The following ZFC3H1 variants were observed in gnomAD, a reference collection of about 807,000 sequenced individuals.
ZFC3H1 encodes the protein zinc finger C3H1 domain-containing protein.
In ZFC3H1, 71 loss-of-function variants were observed where a neutral mutation model predicts 243.7. The observed-to-expected ratio is 0.29, with a 90% confidence interval of 0.24 to 0.36. The LOEUF is 0.36. ZFC3H1 is among the 10% of genes least tolerant of loss of function. ZFC3H1 has a pLI of 1.00. For missense variants in ZFC3H1, 1,966 were observed against 2,317.1 expected (o/e 0.85, Z 3.11); for synonymous variants, 838 against 813.0 (o/e 1.03, Z -0.52).
In ZFC3H1 at chr12:71,628,093, T is replaced by C. The variant is rs1242289273; in HGVS notation, c.3947-159A>G. Among the ~76,000 whole-genome samples, 6 of 152,240 alleles carry C rather than the reference T, an allele frequency of 3.9e-5. No homozygotes were observed. In the East Asian group the frequency reaches 5.8e-4, roughly 15 times the overall value. On this transcript the variant is annotated intron_variant, in intron 20 of 34. Transcript: ENST00000378743. ...TTTAAGGTAGAGCTATGACATAATT[T>C]ATCACCCAAACCAGGACCCTTCTGA...
rs374199139 is a variant in ZFC3H1 at position 71,629,685 on chromosome 12, T to G, written c.3750A>C (p.Gly1250=). The G allele has an allele frequency of 2.3e-4, 373 of 1,612,846 alleles. No individual in the cohort carries two copies. Among genetic ancestry groups the G allele is most frequent in the Non-Finnish European group, 3.1e-4 (363 of 1,179,532 alleles). ...SAEKYVEKLF[G]VNKDRMSMDQ... ...CCATTGACATTCGATCTTTGTTTAC[T>G]CCAAAAAGTTTCTCAACATATTTTT... The change falls in exon 19 of 35, where the codon GGA becomes GGC. Residue 1250 remains glycine, a synonymous_variant. Transcript: ENST00000378743.
intron 7 of ZFC3H1, 64 bp downstream of exon 7, chr12:71,638,354 T>C: frequency 6.6e-7 from 1 of 1,516,620 alleles, no homozygotes. Context: ...TAACCATTCG[T>C]TTTTAAAAAC....
intron 5 of ZFC3H1, 41 bp downstream of exon 5, chr12:71,644,054 C>T: frequency 6.5e-7 from 1 of 1,537,364 alleles, no homozygotes; most frequent in African/African-American, 1.4e-5. Context: ...TTTAAGGAAA[C>T]TTAGAGTAAC....
intron 11 of ZFC3H1, 109 bp from the exon 12 acceptor site, chr12:71,634,413 A>T: frequency 7.9e-7 from 1 of 1,273,470 alleles, no homozygotes; most frequent in Non-Finnish European, 1.1e-6. Flanking sequence ...CCGACTAATA[A>T]TAAAGATGAT....
rs760034598 is a variant in ZFC3H1, at chr12:71,626,241, CGTTATCTTTTCT to C, written c.4317+7_4317+18del. 1 of 1,594,282 alleles carries C rather than the reference CGTTATCTTTTCT, an allele frequency of 6.3e-7. No homozygotes were observed. Among genetic ancestry groups the C allele is most frequent in the African/African-American group, 1.3e-5 (1 of 74,226 alleles). On this transcript the variant is annotated splice_region_variant and intron_variant, in intron 22 of 34. Coordinates refer to ENST00000378743, the MANE Select transcript of ZFC3H1 (RefSeq NM_144982.5). ...ACACACACACACACACACACACGTA[CGTTATCTTTTCT>C]ACTCACAGTCCAAAAGCTTTGATAA...
At chr12:71,612,576 TA>T (rs1879798778) in intron 31 of ZFC3H1, among the ~76,000 whole-genome samples, 1 of 152,198 alleles carries the variant, frequency 6.6e-6, no homozygotes, top group Non-Finnish European at 1.5e-5. Context: ...CTTTAGTTTT[TA>T]AACTTTTATA....
In ZFC3H1 at chr12:71,634,910, C is replaced by T. The variant is rs1205201386; in HGVS notation, c.2239-85G>A. 2.1e-6 allele frequency: 3 copies of T among 1,412,398 alleles called. No homozygotes were observed. In the Admixed American group the frequency reaches 7.7e-5, roughly 36 times the overall value. 87.5% of individuals were successfully genotyped at this position (1,412,398 alleles called of 1,614,324 possible). A position where few individuals can be genotyped will look rare whatever the true frequency, so the allele number is the denominator to read the frequency against. On this transcript the variant is annotated intron_variant, in intron 10 of 34. Coordinates refer to ENST00000378743, the MANE Select transcript of ZFC3H1 (RefSeq NM_144982.5). ...AAGATTTATATTTTACATTGCAACC[C>T]AGTGTATACTGAATTTATTTAGAAA...
Position 71,663,417 on chromosome 12 carries a change from C to G in ZFC3H1, c.194G>C (p.Gly65Ala). The G allele has an allele frequency of 6.2e-7, 1 of 1,611,978 alleles. No individual in the cohort carries two copies. Among genetic ancestry groups the G allele is most frequent in the South Asian group, 1.1e-5 (1 of 91,088 alleles). Reference protein sequence around the residue: ...RRPPHSARGGGSGGGGGSSSS... With the variant: ...RRPPHSARGGASGGGGGSSSS... ...GGAAGAGCCACCGCCTCCGCCAGAT[C>G]CACCGCCCCGGGCCGAGTGAGGAGG... Residue 65 changes from glycine (G) to alanine (A), a missense_variant, in exon 1 of 35, where the codon GGA becomes GCA. Around this residue, in one of 4 missense-constraint regions of ZFC3H1, gnomAD observed 484 missense variants for 449.7 expected, o/e 1.08. Transcript: ENST00000378743.
At chr12:71,636,185 G>T (rs1006475308) in intron 9 of ZFC3H1, among the ~76,000 whole-genome samples, 17 of 152,030 alleles carry the variant, frequency 1.1e-4, no homozygotes, top group African/African-American at 3.9e-4. Context: ...CAAAAAGATA[G>T]AAAATCTGAA....
intron 6 of ZFC3H1, 28 bp downstream of exon 6, chr12:71,642,408 C>T (rs767485484): frequency 1.2e-6 from 2 of 1,601,226 alleles, no homozygotes; most frequent in South Asian, 2.3e-5. Context: ...CATGTAAATA[C>T]ACAAAGGTTT....
Position 71,663,215 on chromosome 12 carries a change from A to G in ZFC3H1, c.396T>C (p.Ser132=). Residue 132 remains serine (S), a synonymous_variant, in exon 1 of 35, where the codon TCT becomes TCC. Transcript: ENST00000378743. ...SSLSESSPRP[S]FWERSHLALD... The stretch of plus-strand genomic sequence containing the variant: ...AGGCGAGGTGGCTCCGCTCCCAGAA[A>G]GACGGCCGGGGACTGCTTTCGGACA... The G allele has an allele frequency of 6.2e-7, 1 of 1,614,054 alleles. No homozygotes were observed. The highest frequency in any genetic ancestry group is 8.5e-7 in the Non-Finnish European group (1 of 1,180,040).
intron 2 of ZFC3H1, among the ~76,000 whole-genome samples, chr12:71,649,313 G>C (rs186299388): frequency 6.6e-6 from 1 of 152,178 alleles, no homozygotes; most frequent in Admixed American, 6.5e-5. Flanking sequence ...TCCACATCTG[G>C]TATTACAATT....
chr12:71,619,796 G>A, intron 26 of ZFC3H1, 130 bp downstream of exon 26: 6 of 790,614 alleles, frequency 7.6e-6, no homozygotes, highest in Non-Finnish European at 1.2e-5. Flanking sequence ...TAAGTGCTAT[G>A]GCAAAGAGAG....
In ZFC3H1 at chr12:71,631,884, T is replaced by C. The variant is rs755898564; in HGVS notation, c.3364A>G (p.Ile1122Val). 31 of 1,609,088 alleles carry C rather than the reference T, an allele frequency of 1.9e-5. No homozygotes were observed. Among genetic ancestry groups the C allele is most frequent in the Non-Finnish European group, 2.3e-5 (27 of 1,178,670 alleles). ...GTGACAAAATCCACATCTACAGAAA[T>C]CTCCTGCAAAAGAAAATAATAATTC... ...ITEKVLHGQE[I>V]SVDVDFVTAQ... is the part of the protein sequence containing the mutation. The change falls in exon 16 of 35, where the codon ATT becomes GTT. Residue 1122 changes from isoleucine (I) to valine (V), a missense_variant. Physicochemically the swap from Ile to Val is conservative, Grantham distance 29. Around this residue, in one of 4 missense-constraint regions of ZFC3H1, gnomAD observed 1,383 missense variants for 1,723.7 expected, o/e 0.80. Transcript: ENST00000378743.
At chr12:71,628,094 A>G (rs1461558771) in intron 20 of ZFC3H1, among the ~76,000 whole-genome samples, 160 bp from the exon 21 acceptor site, 2 of 152,226 alleles carry the variant, frequency 1.3e-5, no homozygotes, top group Non-Finnish European at 2.9e-5. Flanking sequence ...GACATAATTT[A>G]TCACCCAAAC....
At chr12:71,657,370 A>T in intron 1 of ZFC3H1, 69 bp from the exon 2 acceptor site, 1 of 1,124,022 alleles carries the variant, frequency 8.9e-7, no homozygotes, top group Non-Finnish European at 1.2e-6. Context: ...AAAAACTTAG[A>T]TTATAGATGA....
At chr12:71,632,762 A>G in intron 14 of ZFC3H1, 124 bp downstream of exon 14, 2 of 1,417,022 alleles carry the variant, frequency 1.4e-6, no homozygotes. Context: ...TTTAAAAACA[A>G]AGCTTTAATC....
At position 71,634,724 on chromosome 12, in the gene ZFC3H1, C is replaced by T. The variant is rs1880416006; in HGVS notation, c.2340G>A (p.Leu780=). 6.3e-7 allele frequency: 1 copy of T among 1,591,890 alleles called. No individual in the cohort carries two copies. Among genetic ancestry groups the T allele is most frequent in the Non-Finnish European group, 8.5e-7 (1 of 1,173,036 alleles). ...CTTACTTGGCAATCTCTTCCTTTAA[C>T]AATCTATATTCAATCTTCTTTTCTT... is the stretch of plus-strand genomic sequence containing the variant. ...LPEEKKIEYR[L]LKEEIANREK... is the part of the protein sequence containing the mutation. Residue 780 remains leucine, a synonymous_variant, in exon 11 of 35, where the codon TTG becomes TTA. Transcript: ENST00000378743.
chr12:71,629,160 T>TC, intron 19 of ZFC3H1, 123 bp from the exon 20 acceptor site: 1 of 782,480 alleles, frequency 1.3e-6, no homozygotes, highest in Non-Finnish European at 1.8e-6. Flanking sequence ...GATACGTATT[T>TC]TTTTTTTTTT....
Sources: allele counts gnomAD v4.1 joint callset (sites outside exome capture counted in the v4.1 genomes callset), GRCh38; gene constraint gnomAD v4.1.1; regional missense constraint gnomAD v4.1.1; transcripts MANE v1.5; gene names NCBI Gene and HGNC (gene_info 2026-07-23, HGNC 2026-07-21).